Variants in GPC6 observed in about 807,000 individuals in gnomAD.
GPC6 encodes glypican-6.
A neutral mutation model predicts 55.2 loss-of-function variants in GPC6; 14 were observed. The ratio of observed to expected loss-of-function variants is 0.25; its 90% CI spans 0.17 to 0.40. GPC6 has a LOEUF of 0.40. Among genes scored for constraint, GPC6 ranks in the 10% least tolerant of loss-of-function variants. The pLI is 1.00. For synonymous variants in GPC6, 278 were observed against 259.6 expected (o/e 1.07, Z -0.68); for missense variants, 641 against 708.5 (o/e 0.90, Z 1.08).
chr13:93,356,623 T>C (rs1176242709), intron 1 of GPC6, among the ~76,000 whole-genome samples: 1 of 152,208 alleles, frequency 6.6e-6, no homozygotes. Context: ...TGAATGCGGT[T>C]GGTTATCATA....
intron 6 of GPC6, among the ~76,000 whole-genome samples, chr13:94,334,281 C>T (rs898401755): frequency 6.6e-6 from 1 of 152,194 alleles, no homozygotes; most frequent in Non-Finnish European, 1.5e-5. Context: ...ATTTACAAAG[C>T]AGCAGCCAGC....
intron 2 of GPC6, among the ~76,000 whole-genome samples, chr13:93,596,806 G>A (rs1459138224): frequency 6.7e-6 from 1 of 148,348 alleles, no homozygotes. Flanking sequence ...ATAGATGTGT[G>A]TATAAATATA....
At chr13:93,253,717 A>G (rs1876861577) in intron 1 of GPC6, among the ~76,000 whole-genome samples, 1 of 152,196 alleles carries the variant, frequency 6.6e-6, no homozygotes. Context: ...TCTCTTCAAT[A>G]GAAGATCATG....
At chr13:93,422,652 G>A (rs1334825853) in intron 1 of GPC6, among the ~76,000 whole-genome samples, 2 of 152,114 alleles carry the variant, frequency 1.3e-5, no homozygotes, top group African/African-American at 4.8e-5. Context: ...TATTTGCTCA[G>A]AACAAAAGAC....
At chr13:94,267,194 G>C (rs1337674697) in intron 4 of GPC6, among the ~76,000 whole-genome samples, 1 of 152,096 alleles carries the variant, frequency 6.6e-6, no homozygotes, top group Non-Finnish European at 1.5e-5. Flanking sequence ...AAATGGGGAA[G>C]AGACTGGTTG....
intron 3 of GPC6, among the ~76,000 whole-genome samples, chr13:93,838,267 G>A (rs190556569): frequency 3.3e-4 from 51 of 152,280 alleles, no homozygotes; most frequent in African/African-American, 1.1e-3. Flanking sequence ...GGTGACAGAC[G>A]TATGGATAAA....
At chr13:93,603,287 A>G (rs1878102243) in intron 2 of GPC6, among the ~76,000 whole-genome samples, 1 of 152,194 alleles carries the variant, frequency 6.6e-6, no homozygotes, top group South Asian at 2.1e-4. Flanking sequence ...GATTGCAGGC[A>G]TGAGCAACCA....
chr13:93,879,980 G>C (rs1247951067), intron 3 of GPC6, among the ~76,000 whole-genome samples: 2 of 151,026 alleles, frequency 1.3e-5, no homozygotes, highest in Non-Finnish European at 3.0e-5. Flanking sequence ...ATCATCACTG[G>C]CCATCAGAGA....
intron 1 of GPC6, among the ~76,000 whole-genome samples, chr13:93,474,141 C>G (rs1879222386): frequency 6.6e-6 from 1 of 152,180 alleles, no homozygotes; most frequent in African/African-American, 2.4e-5. Context: ...GTCAGTTAAG[C>G]TGGCTGAGTT....
chr13:93,233,354 A>G (rs1023711638), intron 1 of GPC6, among the ~76,000 whole-genome samples: 11 of 151,374 alleles, frequency 7.3e-5, no homozygotes, highest in Non-Finnish European at 1.2e-4. Context: ...CAAAAAAAAA[A>G]AAATCAAAAT....
chr13:94,282,464 G>A (rs181721018), intron 4 of GPC6, among the ~76,000 whole-genome samples: 1 of 152,242 alleles, frequency 6.6e-6, no homozygotes, highest in Admixed American at 6.5e-5. Context: ...CTCCCACTAG[G>A]TCTCTCCCAC....
intron 3 of GPC6, among the ~76,000 whole-genome samples, chr13:93,840,537 A>G (rs1411723269): frequency 8.1e-6 from 1 of 123,952 alleles, no homozygotes; most frequent in Non-Finnish European, 1.7e-5. Flanking sequence ...TAATGAACAT[A>G]TTTTGATTGA....
intron 3 of GPC6, among the ~76,000 whole-genome samples, chr13:93,849,224 G>A (rs1253657901): frequency 3.3e-5 from 5 of 151,954 alleles, no homozygotes; most frequent in Non-Finnish European, 7.4e-5. Context: ...CCATGGTTGG[G>A]ATGAAGGAGA....
intron 2 of GPC6, among the ~76,000 whole-genome samples, chr13:93,733,493 A>G (rs1019112213): frequency 4.6e-5 from 7 of 151,398 alleles, no homozygotes; most frequent in African/African-American, 1.7e-4. Context: ...TGTAGTCTAT[A>G]TAATGTGATC....
intron 1 of GPC6, among the ~76,000 whole-genome samples, chr13:93,336,772 G>T (rs1880059079): frequency 6.6e-6 from 1 of 152,022 alleles, no homozygotes. Flanking sequence ...GACTTGCAGA[G>T]ACCTCCTGTA....
At chr13:94,312,699 GACACACACGCACACGCGCACGCAC>G (rs1876308467) in intron 6 of GPC6, among the ~76,000 whole-genome samples, 1 of 143,842 alleles carries the variant, frequency 7.0e-6, no homozygotes, top group Non-Finnish European at 1.5e-5. Context: ...CACACACGAA[GACACACACGCACACGCGCACGCAC>G]ACACACACAC....
In GPC6 at chr13:94,027,658, A is replaced by G. The variant is rs187246446; in HGVS notation, c.712-71A>G. ...ATTCTGCTTGTGGTTTATCACTGCT[A>G]TTTTGTCTTTTTTTCCTCCTCTTTA... On this transcript the variant is annotated intron_variant, in intron 3 of 8. Coordinates refer to ENST00000377047, the MANE Select transcript of GPC6 (RefSeq NM_005708.5). 9 of 1,343,394 alleles carry G rather than the reference A, an allele frequency of 6.7e-6. No individual in the cohort carries two copies. In the East Asian group the frequency reaches 1.8e-4, roughly 27 times the overall value. 83.2% of individuals were successfully genotyped at this position (1,343,394 alleles called of 1,614,324 possible). A position where few individuals can be genotyped will look rare whatever the true frequency, so the allele number is the denominator to read the frequency against.
intron 4 of GPC6, among the ~76,000 whole-genome samples, chr13:94,275,443 T>C (rs911612064): frequency 4.6e-5 from 7 of 151,994 alleles, no homozygotes; most frequent in African/African-American, 1.2e-4. Flanking sequence ...GACGGTAGAG[T>C]ATCTGGACTA....
intron 1 of GPC6, among the ~76,000 whole-genome samples, chr13:93,253,724 C>T (rs566485483): frequency 3.9e-5 from 6 of 152,282 alleles, no homozygotes; most frequent in African/African-American, 1.4e-4. Flanking sequence ...AATAGAAGAT[C>T]ATGCCCTATG....
Sources: allele counts gnomAD v4.1 joint callset (sites outside exome capture counted in the v4.1 genomes callset), GRCh38; gene constraint gnomAD v4.1.1; transcripts MANE v1.5; gene names NCBI Gene and HGNC (gene_info 2026-07-23, HGNC 2026-07-21).